PTPRD: variants seen among roughly 807,000 people sequenced by gnomAD.
PTPRD encodes receptor-type tyrosine-protein phosphatase delta.
Under a neutral mutation model 214.5 loss-of-function variants are expected in PTPRD, and 34 were observed. That is an observed-to-expected ratio of 0.16 (90% CI 0.12 to 0.21). The LOEUF is 0.21. Ranked by LOEUF, PTPRD falls within the 10% of genes least tolerant of loss-of-function variation. The pLI is 1.00. For missense variants in PTPRD, 2,545 were observed against 2,398.7 expected, an observed-to-expected ratio of 1.06 and a Z score of -1.27; for synonymous variants, 1,128 against 845.7, an observed-to-expected ratio of 1.33 and a Z score of -5.79.
chr9:9,172,916 C>T (rs1040353903), intron 10 of PTPRD, among the ~76,000 whole-genome samples: 9 of 152,088 alleles, frequency 5.9e-5, no homozygotes, highest in Non-Finnish European at 1.2e-4. Flanking sequence ...CAGATTCGAT[C>T]GTGTCCAAAA....
chr9:8,384,220 T>A (rs2135400711), intron 37 of PTPRD, among the ~76,000 whole-genome samples: 1 of 152,300 alleles, frequency 6.6e-6, no homozygotes, highest in East Asian at 1.9e-4. Context: ...CCCTACAAAA[T>A]GCTTCATTTT....
chr9:8,680,573 T>C (rs2097531684), intron 12 of PTPRD, among the ~76,000 whole-genome samples: 1 of 152,182 alleles, frequency 6.6e-6, no homozygotes, highest in South Asian at 2.1e-4. Flanking sequence ...TGAGTATATA[T>C]ACACACAAAC....
chr9:8,409,697 GCT>G (rs2093354688), intron 35 of PTPRD, among the ~76,000 whole-genome samples: 1 of 152,254 alleles, frequency 6.6e-6, no homozygotes, highest in African/African-American at 2.4e-5. Flanking sequence ...AATACTAGTT[GCT>G]CTGTGTTTCA....
In PTPRD at chr9:9,060,086, G is replaced by T. The variant is rs1412101; in HGVS notation, c.-142-41351C>A. On this transcript the variant is annotated intron_variant, in intron 10 of 45. Transcript: ENST00000381196. The stretch of plus-strand genomic sequence containing the variant: ...TTTAAAATTTATTTGCAAATGCTAA[G>T]AATAGCTAAACTATTCTTGACATAG... 2.0e-3 allele frequency among the ~76,000 whole-genome samples: 308 copies of T among 152,292 alleles called. 7 individuals are homozygous for T. In the East Asian group the frequency reaches 0.04, roughly 20 times the overall value.
chr9:8,942,011 G>C (rs1262353491), intron 11 of PTPRD, among the ~76,000 whole-genome samples: 1 of 152,002 alleles, frequency 6.6e-6, no homozygotes, highest in East Asian at 1.9e-4. Context: ...TCACCATGTT[G>C]GCTAGGCTGG....
intron 9 of PTPRD, among the ~76,000 whole-genome samples, chr9:9,204,410 T>C (rs2099943594): frequency 6.6e-6 from 1 of 152,190 alleles, no homozygotes; most frequent in Non-Finnish European, 1.5e-5. Flanking sequence ...AATCTACTAT[T>C]AAGGAGACCA....
At chr9:10,132,591 G>C (rs1261267638) in intron 3 of PTPRD, among the ~76,000 whole-genome samples, 1 of 152,104 alleles carries the variant, frequency 6.6e-6, no homozygotes, top group Non-Finnish European at 1.5e-5. Context: ...TATTGACTTA[G>C]CATGTCCACC....
At chr9:9,955,680 T>A (rs12685546) in intron 4 of PTPRD, among the ~76,000 whole-genome samples, 14 of 151,944 alleles carry the variant, frequency 9.2e-5, no homozygotes, top group Non-Finnish European at 1.9e-4. Flanking sequence ...CCCGCCACCA[T>A]GCCCGACTAA....
chr9:10,356,434 AATTGTTC>A (rs1349681227), intron 2 of PTPRD, among the ~76,000 whole-genome samples: 2 of 152,162 alleles, frequency 1.3e-5, no homozygotes, highest in Non-Finnish European at 2.9e-5. Flanking sequence ...ATATTTGAAT[AATTGTTC>A]TGTAGGGTTG....
chr9:10,287,836 C>T (rs2095410147), intron 3 of PTPRD, among the ~76,000 whole-genome samples: 1 of 152,020 alleles, frequency 6.6e-6, no homozygotes, highest in Non-Finnish European at 1.5e-5. Context: ...TCCAATCGTT[C>T]CAGAGCGATT....
intron 12 of PTPRD, among the ~76,000 whole-genome samples, chr9:8,718,562 G>C (rs867415730): frequency 2.0e-4 from 31 of 152,258 alleles, no homozygotes; most frequent in African/African-American, 7.0e-4. Flanking sequence ...TCCCCTGAGA[G>C]TTTACACCAT....
intron 3 of PTPRD, among the ~76,000 whole-genome samples, chr9:10,263,639 A>G (rs146663472): frequency 1.3e-5 from 2 of 152,230 alleles, no homozygotes; most frequent in African/African-American, 4.8e-5. Flanking sequence ...AGGAAGCAAA[A>G]AATAAGAGTT....
chr9:10,489,843 A>T (rs2099155667), intron 2 of PTPRD, among the ~76,000 whole-genome samples: 1 of 151,938 alleles, frequency 6.6e-6, no homozygotes, highest in Non-Finnish European at 1.5e-5. Flanking sequence ...ACACAGAAAC[A>T]CTCCATGCAT....
At chr9:8,922,012 A>G (rs1321322658) in intron 11 of PTPRD, among the ~76,000 whole-genome samples, 1 of 152,156 alleles carries the variant, frequency 6.6e-6, no homozygotes, top group Non-Finnish European at 1.5e-5. Flanking sequence ...CTCTCTTCAC[A>G]AAGGAGAAGT....
At chr9:10,269,436 G>C (rs545474500) in intron 3 of PTPRD, among the ~76,000 whole-genome samples, 141 of 152,212 alleles carry the variant, frequency 9.3e-4, no homozygotes, top group South Asian at 8.1e-3. Context: ...AGTAAGAAGT[G>C]TCAACAAATA....
chr9:10,245,696 GT>G (rs1253781743), intron 3 of PTPRD, among the ~76,000 whole-genome samples: 1 of 152,152 alleles, frequency 6.6e-6, no homozygotes, highest in Non-Finnish European at 1.5e-5. Flanking sequence ...AAAAGAAACT[GT>G]CCTTCTACTG....
At chr9:10,475,004 T>C (rs1217500247) in intron 2 of PTPRD, among the ~76,000 whole-genome samples, 1 of 152,134 alleles carries the variant, frequency 6.6e-6, no homozygotes, top group Non-Finnish European at 1.5e-5. Context: ...GGGAAATGTA[T>C]AGTACTAAAT....
intron 12 of PTPRD, among the ~76,000 whole-genome samples, chr9:8,733,326 T>C (rs2098680472): frequency 6.6e-6 from 1 of 152,070 alleles, no homozygotes; most frequent in Non-Finnish European, 1.5e-5. Context: ...GAACAGCTGC[T>C]ATGACAGCTA....
chr9:10,339,481 C>G (rs1330329459), intron 3 of PTPRD, among the ~76,000 whole-genome samples: 1 of 151,606 alleles, frequency 6.6e-6, no homozygotes, highest in Non-Finnish European at 1.5e-5. Flanking sequence ...TGAAAGACTT[C>G]TTATCTTGGA....
Sources: gnomAD v4.1 joint callset for allele counts (sites outside exome capture counted in the v4.1 genomes callset) on GRCh38, gnomAD v4.1.1 for gene constraint, MANE v1.5 for transcripts, NCBI Gene and HGNC (gene_info 2026-07-23, HGNC 2026-07-21) for gene names.